The following GLB1L3 variants were observed in gnomAD, a reference collection of about 807,000 sequenced individuals.
The protein encoded by GLB1L3 is beta-galactosidase-1-like protein 3.
In GLB1L3, 89 loss-of-function variants were observed where a neutral mutation model predicts 89.5. That is an observed-to-expected ratio of 0.99 (90% CI 0.84 to 1.19). The LOEUF is 1.19. Among genes scored for constraint, GLB1L3 ranks in the 50% most tolerant of loss-of-function variants. The pLI, the probability that GLB1L3 is intolerant of heterozygous loss-of-function variation, is 0.00. For missense variants in GLB1L3, 812 were observed against 813.3 expected (o/e 1.00, Z 0.02); for synonymous variants, 314 against 312.3 (o/e 1.01, Z -0.06).
At chr11:134,275,973 T>G (rs1278427090), upstream of GLB1L3, 1 of 152,630 alleles carries the variant, frequency 6.6e-6, no homozygotes, top group East Asian at 1.9e-4. Context: ...AACGAACACC[T>G]GGCTTAGTTT....
intron 10 of GLB1L3, among the ~76,000 whole-genome samples, chr11:134,307,714 A>G (rs1942265726): frequency 6.6e-6 from 1 of 152,206 alleles, no homozygotes; most frequent in Non-Finnish European, 1.5e-5. Flanking sequence ...CAAAGAGATC[A>G]GGTTTTAATC....
downstream of GLB1L3, among the ~76,000 whole-genome samples, chr11:134,322,526 T>C (rs1223375178): frequency 6.6e-6 from 1 of 152,142 alleles, no homozygotes; most frequent in Non-Finnish European, 1.5e-5. Context: ...ATCTAGAACA[T>C]TTTCATCACT....
At chr11:134,305,087 T>A in intron 9 of GLB1L3, 1 of 1,548,528 alleles carries the variant, frequency 6.5e-7, no homozygotes, top group Non-Finnish European at 8.7e-7. Flanking sequence ...TCTTTACCCA[T>A]CTTCCTTTTT....
At chr11:134,308,655 T>TCACCACCACCAA (rs1942555679) in intron 10 of GLB1L3, among the ~76,000 whole-genome samples, 1 of 105,604 alleles carries the variant, frequency 9.5e-6, no homozygotes. Context: ...ACCACCATCA[T>TCACCACCACCAA]CACCACCACC....
intron 16 of GLB1L3, 32 bp from the exon 17 acceptor site, chr11:134,313,909 T>C (rs1019134668): frequency 1.0e-5 from 14 of 1,397,074 alleles, no homozygotes; most frequent in South Asian, 3.6e-5. Context: ...CTGGCTCATA[T>C]TCTCTTTCCT....
chr11:134,277,022 C>G (rs898832332), intron 1 of GLB1L3: 3 of 566,470 alleles, frequency 5.3e-6, no homozygotes, highest in African/African-American at 1.9e-5. Flanking sequence ...GCACCGTGTC[C>G]TTCCCGAACC....
chr11:134,293,274 G>A, intron 9 of GLB1L3, 65 bp downstream of exon 9: 1 of 1,321,078 alleles, frequency 7.6e-7, no homozygotes, highest in South Asian at 1.2e-5. Flanking sequence ...TGCCTATGTA[G>A]CTGGTATTCC....
intron 17 of GLB1L3, 37 bp downstream of exon 17, chr11:134,314,065 A>G (rs1942875097): frequency 5.3e-6 from 7 of 1,329,954 alleles, no homozygotes; most frequent in Non-Finnish European, 6.5e-6. Context: ...CACTTCAGTG[A>G]TCGGGGAACT....
chr11:134,283,662 G>A (rs1176421870), intron 5 of GLB1L3, 75 bp from the exon 6 acceptor site: 2 of 779,326 alleles, frequency 2.6e-6, no homozygotes, highest in Non-Finnish European at 4.3e-6. Context: ...CGGCGAGCCG[G>A]GGCAGCTCTG....
chr11:134,312,961 C>A (rs936941131), intron 15 of GLB1L3, 74 bp downstream of exon 15: 2 of 1,065,616 alleles, frequency 1.9e-6, no homozygotes, highest in South Asian at 1.3e-5. Flanking sequence ...CTGAGACAGT[C>A]AGCCTCCCTT....
At chr11:134,277,677 T>C in intron 2 of GLB1L3, 23 bp from the exon 3 acceptor site, 1 of 1,587,206 alleles carries the variant, frequency 6.3e-7, no homozygotes, top group Non-Finnish European at 8.6e-7. Flanking sequence ...TTCCACTTTC[T>C]TTCCCTCGCC....
chr11:134,317,904 C>G (rs1223495704), intron 18 of GLB1L3, among the ~76,000 whole-genome samples: 1 of 152,006 alleles, frequency 6.6e-6, no homozygotes, highest in East Asian at 1.9e-4. Flanking sequence ...CATGAAATGT[C>G]CCTCTTTATC....
intron 9 of GLB1L3, among the ~76,000 whole-genome samples, chr11:134,296,677 C>T (rs1941660037): frequency 8.4e-6 from 1 of 119,542 alleles, no homozygotes; most frequent in Non-Finnish European, 1.6e-5. Flanking sequence ...GAACATCACA[C>T]TCTGGGGACT....
At chr11:134,277,540 G>A (rs540849337) in intron 2 of GLB1L3, 89 bp downstream of exon 2, 6 of 1,554,596 alleles carry the variant, frequency 3.9e-6, no homozygotes, top group South Asian at 1.1e-5. Flanking sequence ...CACAGAACAC[G>A]TCCTACTAAC....
At chr11:134,319,584 A>C (rs557424073), downstream of GLB1L3, 1 of 152,248 alleles carries the variant, frequency 6.6e-6, no homozygotes, top group Non-Finnish European at 1.5e-5. Context: ...CCCATACTCA[A>C]TTGAAGGGAA....
intron 18 of GLB1L3, among the ~76,000 whole-genome samples, chr11:134,316,259 G>T: frequency 6.7e-6 from 1 of 150,106 alleles, no homozygotes; most frequent in Admixed American, 6.6e-5. Context: ...TTATTTTCAT[G>T]ACTGAAGAAT....
At chr11:134,315,206 C>G (rs1452802797) in intron 18 of GLB1L3, among the ~76,000 whole-genome samples, 1 of 152,166 alleles carries the variant, frequency 6.6e-6, no homozygotes, top group African/African-American at 2.4e-5. Flanking sequence ...TTAGTAAATA[C>G]ATTATAATAA....
chr11:134,323,272 G>A (rs1331587309), downstream of GLB1L3, among the ~76,000 whole-genome samples: 2 of 152,148 alleles, frequency 1.3e-5, no homozygotes, highest in Non-Finnish European at 2.9e-5. Flanking sequence ...TGTAATCCCA[G>A]CACTTTGAAA....
chr11:134,314,102 A>T (rs1942877919), intron 17 of GLB1L3, 74 bp downstream of exon 17: 4 of 1,038,274 alleles, frequency 3.9e-6, no homozygotes, highest in East Asian at 5.0e-5. Flanking sequence ...CTCATTGCAG[A>T]TAAAGAGTCC....
Sources: gnomAD v4.1 joint callset for allele counts (sites outside exome capture counted in the v4.1 genomes callset) on GRCh38, gnomAD v4.1.1 for gene constraint, MANE v1.5 for transcripts, NCBI Gene and HGNC (gene_info 2026-07-23, HGNC 2026-07-21) for gene names.